The following PRSS23 variants were observed in gnomAD, a reference collection of about 807,000 sequenced individuals.
The protein encoded by PRSS23 is protease, serine 23.
Under a neutral mutation model 34.7 loss-of-function variants are expected in PRSS23, and 25 were observed. That is an observed-to-expected ratio of 0.72 (90% CI 0.53 to 1.01). The LOEUF is 1.01. PRSS23 is among the 50% of genes least tolerant of loss of function. The pLI is 0.00. For synonymous variants in PRSS23, 176 were observed against 186.6 expected, an observed-to-expected ratio of 0.94 and a Z score of 0.46; for missense variants, 445 against 475.6, an observed-to-expected ratio of 0.94 and a Z score of 0.60.
chr11:86,794,775 T>C (rs1387720234), intron 1 of PRSS23, among the ~76,000 whole-genome samples: 1 of 152,156 alleles, frequency 6.6e-6, no homozygotes, highest in Non-Finnish European at 1.5e-5. Context: ...GATTTGTTTT[T>C]ATTACAGGAA....
intron 2 of PRSS23, among the ~76,000 whole-genome samples, chr11:86,870,059 AATG>A (rs1345816206): frequency 3.3e-5 from 5 of 152,192 alleles, no homozygotes; most frequent in Admixed American, 6.5e-5. Flanking sequence ...ACAACCAGTG[AATG>A]ACTCCGCCTG....
intron 2 of PRSS23, among the ~76,000 whole-genome samples, chr11:86,914,217 C>T (rs1948998050): frequency 6.6e-6 from 1 of 152,014 alleles, no homozygotes; most frequent in South Asian, 2.1e-4. Context: ...CAGAGTGAGA[C>T]TCCATCTCAA....
At chr11:86,859,911 G>A (rs973292677) in intron 2 of PRSS23, among the ~76,000 whole-genome samples, 1 of 151,938 alleles carries the variant, frequency 6.6e-6, no homozygotes, top group Non-Finnish European at 1.5e-5. Flanking sequence ...TATTGCAGGG[G>A]TTATACACAC....
At chr11:86,897,103 A>G (rs1227889592) in intron 2 of PRSS23, among the ~76,000 whole-genome samples, 1 of 152,248 alleles carries the variant, frequency 6.6e-6, no homozygotes, top group Non-Finnish European at 1.5e-5. Context: ...AATGTTTAAA[A>G]ATATGTAGAG....
intron 2 of PRSS23, among the ~76,000 whole-genome samples, chr11:86,927,984 C>T (rs191065613): frequency 2.1e-4 from 32 of 151,832 alleles, no homozygotes; most frequent in African/African-American, 7.2e-4. Flanking sequence ...AGAAAGTCTC[C>T]ACTTACAAGC....
At position 86,807,641 on chromosome 11, in the gene PRSS23, G is replaced by C. The variant is rs779551540; in HGVS notation, c.-3G>C. 2.5e-6 allele frequency: 4 copies of C among 1,605,094 alleles called. No homozygotes were observed. The highest frequency in any genetic ancestry group is 2.7e-5 in the African/African-American group (2 of 74,606). On this transcript the variant is annotated 5_prime_UTR_variant, in exon 2 of 2. Transcript: ENST00000280258. Reference sequence around the variant, plus strand: ...TCTTTGTTTCTACAGAACAGTGCTCGGCATGGCAGGGATTCCAGGGCTCCT... The same window carrying C: ...TCTTTGTTTCTACAGAACAGTGCTCCGCATGGCAGGGATTCCAGGGCTCCT...
chr11:86,855,974 GTTT>G (rs1001047752), intron 2 of PRSS23, among the ~76,000 whole-genome samples: 87 of 152,244 alleles, frequency 5.7e-4, no homozygotes, highest in African/African-American at 1.9e-3. Context: ...GTATACCACA[GTTT>G]TTTAATTGAA....
chr11:86,903,164 C>T (rs1293017489), intron 2 of PRSS23, among the ~76,000 whole-genome samples: 1 of 152,170 alleles, frequency 6.6e-6, no homozygotes, highest in Non-Finnish European at 1.5e-5. Flanking sequence ...CCCCTCCCCA[C>T]TGCCCTGTGT....
intron 2 of PRSS23, among the ~76,000 whole-genome samples, chr11:86,831,643 T>A (rs1419031517): frequency 6.6e-6 from 1 of 151,702 alleles, no homozygotes; most frequent in Non-Finnish European, 1.5e-5. Context: ...CCCTGTGATA[T>A]CATTCCTAAT....
At chr11:86,846,402 T>C (rs1590891552) in intron 2 of PRSS23, among the ~76,000 whole-genome samples, 1 of 152,178 alleles carries the variant, frequency 6.6e-6, no homozygotes, top group East Asian at 1.9e-4. Flanking sequence ...GCTGCTGGAC[T>C]AAAGACACGG....
At position 86,807,778 on chromosome 11, in the gene PRSS23, C is replaced by T; in HGVS notation, c.135C>T (p.Thr45=). ...TCCCTGTCGTCTTGCCCCAGTCTACCCTCAATTTAGCCAAGCCAGACTTTG... is the reference window on the plus strand; with the variant it reads ...TCCCTGTCGTCTTGCCCCAGTCTACTCTCAATTTAGCCAAGCCAGACTTTG... The part of the protein sequence containing the change: ...YRLPVVLPQS[T]LNLAKPDFGA... The change falls in exon 2 of 2, where the codon ACC becomes ACT. Residue 45 remains threonine (T), a synonymous_variant. Coordinates refer to ENST00000280258, the MANE Select transcript of PRSS23 (RefSeq NM_007173.6). 1 of 1,614,142 alleles carries T rather than the reference C, an allele frequency of 6.2e-7. No individual in the cohort carries two copies. Among genetic ancestry groups the T allele is most frequent in the Non-Finnish European group, 8.5e-7 (1 of 1,180,028 alleles).
chr11:86,945,292 ACT>A (rs1474248184), intron 2 of PRSS23, among the ~76,000 whole-genome samples: 1 of 151,236 alleles, frequency 6.6e-6, no homozygotes, highest in African/African-American at 2.4e-5. Flanking sequence ...TGATGGGAAA[ACT>A]CTTTTTTAGG....
At chr11:86,878,967 T>C (rs1374856371) in intron 2 of PRSS23, among the ~76,000 whole-genome samples, 58 of 121,696 alleles carry the variant, frequency 4.8e-4, no homozygotes, top group African/African-American at 1.9e-3. Context: ...CCATCCCGTC[T>C]AGGAAGTGAG....
At chr11:86,904,079 A>G (rs997943520) in intron 2 of PRSS23, among the ~76,000 whole-genome samples, 1 of 152,192 alleles carries the variant, frequency 6.6e-6, no homozygotes, top group Non-Finnish European at 1.5e-5. Context: ...TAAATCAGGG[A>G]TAGCATATAG....
chr11:86,862,515 C>T (rs1565369724), intron 2 of PRSS23, among the ~76,000 whole-genome samples: 1 of 151,808 alleles, frequency 6.6e-6, no homozygotes, highest in Non-Finnish European at 1.5e-5. Context: ...TTCGTAATAT[C>T]CTAAGAGTAT....
intron 1 of PRSS23, chr11:86,821,210 C>T (rs1948249306): frequency 3.3e-6 from 2 of 605,550 alleles, no homozygotes; most frequent in Non-Finnish European, 2.6e-6. Flanking sequence ...GAGGTTATCC[C>T]TGGACATCAA....
chr11:86,823,247 A>T (rs960513571), intron 1 of PRSS23: 12 of 586,084 alleles, frequency 2.0e-5, no homozygotes, highest in East Asian at 5.7e-5. Flanking sequence ...AAAGCATCAT[A>T]AAAAAAAATG....
intron 2 of PRSS23, chr11:86,948,175 TAG>T (rs1437171570): frequency 6.6e-6 from 1 of 151,114 alleles, no homozygotes; most frequent in Non-Finnish European, 1.5e-5. Context: ...GTGTTAAAAG[TAG>T]AGAGACCCAG....
At chr11:86,858,021 T>G in intron 2 of PRSS23, 1 of 295,620 alleles carries the variant, frequency 3.4e-6, no homozygotes, top group Non-Finnish European at 6.7e-6. Context: ...GAGGATGATA[T>G]TACTCCCAAT....
Sources: gnomAD v4.1 joint callset for allele counts (sites outside exome capture counted in the v4.1 genomes callset) on GRCh38, gnomAD v4.1.1 for gene constraint, MANE v1.5 for transcripts, NCBI Gene and HGNC (gene_info 2026-07-23, HGNC 2026-07-21) for gene names.